ROCK1: variants seen among roughly 807,000 people sequenced by gnomAD.
ROCK1 encodes the protein rho-associated protein kinase 1.
In ROCK1, 36 loss-of-function variants were observed where a neutral mutation model predicts 196.8. The ratio of observed to expected loss-of-function variants is 0.18; its 90% confidence interval spans 0.14 to 0.24. ROCK1 has a LOEUF of 0.24. ROCK1 is among the 10% of genes least tolerant of loss of function. The probability of loss-of-function intolerance (pLI) is 1.00; values close to 1 mark genes in which losing one functional copy is unlikely to be tolerated. For missense variants in ROCK1, 920 were observed against 1,562.0 expected (o/e 0.59, Z 6.93); for synonymous variants, 443 against 515.9 (o/e 0.86, Z 1.91).
intron 2 of ROCK1, among the ~76,000 whole-genome samples, chr18:21,068,658 T>C (rs887962777): frequency 1.1e-4 from 16 of 152,208 alleles, no homozygotes; most frequent in Non-Finnish European, 1.5e-5. Context: ...TGTATAGTTT[T>C]CAGTAAACAG....
chr18:21,037,366 CTAT>C (rs1420347024), intron 9 of ROCK1, among the ~76,000 whole-genome samples: 2 of 151,986 alleles, frequency 1.3e-5, no homozygotes, highest in Non-Finnish European at 2.9e-5. Context: ...CCAAAAAAAA[CTAT>C]TATTTGTATT....
rs112261469 is a variant in ROCK1 at position 21,049,696 on chromosome 18, A to G, written c.276+84T>C. The G allele has an allele frequency of 8.4e-4, 733 of 877,232 alleles. 13 individuals are homozygous for G. The highest frequency in any genetic ancestry group is 8.2e-3 in the South Asian group (511 of 62,538). 54.3% of individuals were successfully genotyped at this position (877,232 alleles called of 1,614,324 possible). A position where few individuals can be genotyped will look rare whatever the true frequency, so the allele number is the denominator to read the frequency against. ...AAAGCAACAATTCTATAAAAACAGT[A>G]TTTTCCCAAATAATATGTTAAACAC... On this transcript the variant is annotated intron_variant, in intron 3 of 32. Coordinates refer to ENST00000399799, the MANE Select transcript of ROCK1 (RefSeq NM_005406.3).
chr18:21,029,650 T>C (rs1190615118), intron 9 of ROCK1, among the ~76,000 whole-genome samples: 1 of 152,186 alleles, frequency 6.6e-6, no homozygotes, highest in Admixed American at 6.5e-5. Context: ...AAATTTGATG[T>C]GGACCAAGTC....
At chr18:20,959,132 A>ATATAAAATATATATAT (rs1568367511) in intron 29 of ROCK1, among the ~76,000 whole-genome samples, 1 of 52,174 alleles carries the variant, frequency 1.9e-5, no homozygotes, top group Non-Finnish European at 2.8e-5. Context: ...TATATATATT[A>ATATAAAATATATATAT]TATATATTAT....
At chr18:21,109,856 T>C (rs1400884400) in intron 1 of ROCK1, among the ~76,000 whole-genome samples, 4 of 152,224 alleles carry the variant, frequency 2.6e-5, no homozygotes, top group Non-Finnish European at 4.4e-5. Flanking sequence ...ATCCCCAAAA[T>C]TGAGCATATC....
intron 6 of ROCK1, among the ~76,000 whole-genome samples, chr18:21,042,958 CATT>C (rs1311864621): frequency 6.6e-6 from 1 of 152,060 alleles, no homozygotes; most frequent in Non-Finnish European, 1.5e-5. Context: ...TATACACACA[CATT>C]ATATGTGTAT....
intron 13 of ROCK1, among the ~76,000 whole-genome samples, chr18:21,011,692 G>A (rs1406841906): frequency 6.6e-6 from 1 of 152,184 alleles, no homozygotes; most frequent in Non-Finnish European, 1.5e-5. Context: ...CTGGGCTCAA[G>A]CAATCCGCTG....
In ROCK1 at chr18:21,067,785, T is replaced by C. The variant is rs549519759; in HGVS notation, c.175+2747A>G. ...CTTTTGTTGCTTGTGCTTTTGGTAT[T>C]ACGTCTAAGAAACCACTGCTTAGTC... On this transcript the variant is annotated intron_variant, in intron 2 of 32. Transcript: ENST00000399799. 7.2e-5 allele frequency among the ~76,000 whole-genome samples: 11 copies of C among 152,334 alleles called. No homozygotes were observed. In the South Asian group the frequency reaches 1.7e-3, roughly 23 times the overall value.
Position 21,059,695 on chromosome 18 carries a change from G to A in ROCK1, c.176-9815C>T, listed in dbSNP as rs779976496. On this transcript the variant is annotated intron_variant, in intron 2 of 32. Transcript: ENST00000399799. ...ACCAATTCCACTTCTAGGTATCTACGCAAGAACAATAAAAACATATGTCTA... is the reference window on the plus strand; with the variant it reads ...ACCAATTCCACTTCTAGGTATCTACACAAGAACAATAAAAACATATGTCTA... Among the ~76,000 whole-genome samples, 6 of 152,130 alleles carry A rather than the reference G, an allele frequency of 3.9e-5. No homozygotes were observed. In the East Asian group the frequency reaches 9.6e-4, roughly 24 times the overall value.
At position 21,068,760 on chromosome 18, in the gene ROCK1, C is replaced by T. The variant is rs58419418; in HGVS notation, c.175+1772G>A. Among the ~76,000 whole-genome samples the T allele has an allele frequency of 1.4e-4, 21 of 152,138 alleles. No homozygotes were observed. In the East Asian group the frequency reaches 3.3e-3, roughly 24 times the overall value. On this transcript the variant is annotated intron_variant, in intron 2 of 32. Coordinates refer to ENST00000399799, the MANE Select transcript of ROCK1 (RefSeq NM_005406.3). ...CTGTATTTGTTATAATAAATTAATTCCCAATTGCTTGTTGTTAATAAATGT... is the reference window on the plus strand; with the variant it reads ...CTGTATTTGTTATAATAAATTAATTTCCAATTGCTTGTTGTTAATAAATGT...
At chr18:20,981,794 T>C (rs1304245214) in intron 21 of ROCK1, among the ~76,000 whole-genome samples, 2 of 152,250 alleles carry the variant, frequency 1.3e-5, no homozygotes, top group Non-Finnish European at 2.9e-5. Flanking sequence ...GTTAAGTATT[T>C]ATAATTTCTA....
At chr18:21,068,774 G>T (rs764073646) in intron 2 of ROCK1, among the ~76,000 whole-genome samples, 1 of 152,104 alleles carries the variant, frequency 6.6e-6, no homozygotes, top group African/African-American at 2.4e-5. Context: ...ATTGCTTGTT[G>T]TTAATAAATG....
chr18:21,062,342 G>A (rs1363235266), intron 2 of ROCK1, among the ~76,000 whole-genome samples: 3 of 152,040 alleles, frequency 2.0e-5, no homozygotes, highest in Admixed American at 2.0e-4. Context: ...CCAACCTGAA[G>A]GAGCTCCCAA....
In ROCK1 at chr18:20,951,085, G is replaced by C. The variant is rs980053627; in HGVS notation, c.*299C>G. On this transcript the variant is annotated 3_prime_UTR_variant, in exon 33 of 33. Coordinates refer to ENST00000399799, the MANE Select transcript of ROCK1 (RefSeq NM_005406.3). ...AACTCTGTTCTATCACGACTGACAG[G>C]CATTTTCTTATAAATCCAAAAAGGC... The C allele has an allele frequency of 7.1e-5, 20 of 281,196 alleles. No individual in the cohort carries two copies. The South Asian group carries it at 2.4e-3, about 34-fold the overall frequency. The allele number at this position is 281,196 out of a possible 1,614,324, so 17.4% of individuals were successfully genotyped here. A position where few individuals can be genotyped will look rare whatever the true frequency, so the allele number is the denominator to read the frequency against.
chr18:21,008,610 T>C (rs1408337846), intron 13 of ROCK1, among the ~76,000 whole-genome samples: 1 of 152,222 alleles, frequency 6.6e-6, no homozygotes, highest in Non-Finnish European at 1.5e-5. Flanking sequence ...AAATGTACCT[T>C]TCTGAGTTAC....
chr18:20,974,183 G>C (rs1316645643), intron 22 of ROCK1, among the ~76,000 whole-genome samples: 1 of 152,208 alleles, frequency 6.6e-6, no homozygotes, highest in African/African-American at 2.4e-5. Flanking sequence ...AAAGAGAATA[G>C]ATGTTCTCTT....
At chr18:21,067,195 A>C (rs576753141) in intron 2 of ROCK1, among the ~76,000 whole-genome samples, 1 of 152,112 alleles carries the variant, frequency 6.6e-6, no homozygotes, top group Non-Finnish European at 1.5e-5. Context: ...AGTTCTGCAC[A>C]TGTTTACTGG....
At chr18:21,109,691 C>A (rs45482503) in intron 1 of ROCK1, among the ~76,000 whole-genome samples, 1 of 152,060 alleles carries the variant, frequency 6.6e-6, no homozygotes, top group Non-Finnish European at 1.5e-5. Flanking sequence ...GTTGTAAAAC[C>A]CATACACGTG....
intron 18 of ROCK1, among the ~76,000 whole-genome samples, chr18:20,990,222 G>A (rs1346444154): frequency 3.3e-5 from 5 of 152,142 alleles, no homozygotes; most frequent in African/African-American, 7.2e-5. Context: ...CACAGTGGAA[G>A]TACAAAGAAA....
Sources: gnomAD v4.1 joint callset for allele counts (sites outside exome capture counted in the v4.1 genomes callset) on GRCh38, gnomAD v4.1.1 for gene constraint, MANE v1.5 for transcripts, NCBI Gene and HGNC (gene_info 2026-07-23, HGNC 2026-07-21) for gene names.